Variants in BANK1 observed in about 807,000 individuals in gnomAD.
BANK1 encodes B cell scaffold protein with ankyrin repeats 1.
BANK1 carries 95 observed loss-of-function variants against 94.5 expected under a neutral mutation model. The observed-to-expected ratio is 1.00, with a 90% CI of 0.85 to 1.19. BANK1 has a LOEUF of 1.19. BANK1 is among the 50% of genes most tolerant of loss of function. BANK1 has a pLI of 0.00. For synonymous variants in BANK1, 334 were observed against 308.4 expected (o/e 1.08, Z -0.87); for missense variants, 987 against 932.2 (o/e 1.06, Z -0.77).
intron 7 of BANK1, among the ~76,000 whole-genome samples, chr4:102,019,529 G>A (rs1726819040): frequency 6.6e-6 from 1 of 152,092 alleles, no homozygotes; most frequent in Non-Finnish European, 1.5e-5. Flanking sequence ...TAAGTGTCTG[G>A]CCTAATGTCA....
In BANK1 at chr4:101,866,689, C is replaced by A. The variant is rs1728082275; in HGVS notation, c.764-3816C>A. Among the ~76,000 whole-genome samples, 4 of 49,712 alleles carry A rather than the reference C, an allele frequency of 8.0e-5. 2 individuals are homozygous for A. The highest frequency in any genetic ancestry group is 1.6e-4 in the Non-Finnish European group (4 of 25,272). 32.6% of individuals were successfully genotyped at this position (49,712 alleles called of 152,430 possible). A position where few individuals can be genotyped will look rare whatever the true frequency, so the allele number is the denominator to read the frequency against. ...GGTATATACCCAAAGGACTATAAATCATGCTGCTATAAAGACACATGCACA... is the reference window on the plus strand; with the variant it reads ...GGTATATACCCAAAGGACTATAAATAATGCTGCTATAAAGACACATGCACA... On this transcript the variant is annotated intron_variant, in intron 4 of 16. Transcript: ENST00000322953.
At chr4:101,889,213 C>T (rs1358677677) in intron 5 of BANK1, among the ~76,000 whole-genome samples, 1 of 152,084 alleles carries the variant, frequency 6.6e-6, no homozygotes, top group Non-Finnish European at 1.5e-5. Flanking sequence ...TGTTCATATA[C>T]TCCCTTTTAT....
At chr4:101,871,434 G>A (rs1728283099) in intron 5 of BANK1, among the ~76,000 whole-genome samples, 1 of 151,948 alleles carries the variant, frequency 6.6e-6, no homozygotes, top group South Asian at 2.1e-4. Context: ...AACTGTCAAT[G>A]ATAATGTAGC....
intron 2 of BANK1, among the ~76,000 whole-genome samples, chr4:101,845,686 A>G (rs1324392154): frequency 6.6e-6 from 1 of 152,252 alleles, no homozygotes; most frequent in Non-Finnish European, 1.5e-5. Context: ...GAGATATTTC[A>G]GTGAGAAACA....
intron 4 of BANK1, among the ~76,000 whole-genome samples, chr4:101,866,605 A>G (rs943092225): frequency 6.6e-6 from 1 of 152,094 alleles, no homozygotes; most frequent in Admixed American, 6.5e-5. Flanking sequence ...GAAAACGAAT[A>G]CCTTACCTGT....
chr4:101,801,549 C>A (rs1046555328), intron 1 of BANK1, among the ~76,000 whole-genome samples: 24 of 152,166 alleles, frequency 1.6e-4, no homozygotes, highest in African/African-American at 4.3e-4. Flanking sequence ...TTCACAGTTC[C>A]TCCAGCAGTT....
chr4:102,059,715 T>C (rs1728349080), intron 11 of BANK1, among the ~76,000 whole-genome samples: 1 of 152,174 alleles, frequency 6.6e-6, no homozygotes, highest in Admixed American at 6.6e-5. Flanking sequence ...TTTAAAATCT[T>C]TCAGAAATAA....
chr4:102,060,181 C>A (rs757691835), intron 11 of BANK1, 30 bp from the exon 12 acceptor site: 1 of 1,523,138 alleles, frequency 6.6e-7, no homozygotes, highest in Non-Finnish European at 8.7e-7. Flanking sequence ...CCTGGACTTT[C>A]TGTTAATGCA....
At chr4:101,948,904 A>G (rs1724035586) in intron 7 of BANK1, among the ~76,000 whole-genome samples, 1 of 152,194 alleles carries the variant, frequency 6.6e-6, no homozygotes, top group Admixed American at 6.5e-5. Context: ...TAAAATTTTG[A>G]TATTTTGTTA....
intron 7 of BANK1, among the ~76,000 whole-genome samples, chr4:102,007,109 A>AT (rs1726306315): frequency 5.2e-5 from 3 of 57,328 alleles, no homozygotes; most frequent in Non-Finnish European, 1.2e-4. Context: ...TTATATATAT[A>AT]TAAATATATA....
chr4:101,950,483 A>G (rs1560648866), intron 7 of BANK1, among the ~76,000 whole-genome samples: 2 of 152,154 alleles, frequency 1.3e-5, no homozygotes, highest in Admixed American at 1.3e-4. Context: ...CATTTGGAAC[A>G]TCACTCCCAG....
chr4:101,948,223 T>G (rs888407622), intron 7 of BANK1, among the ~76,000 whole-genome samples: 2 of 152,094 alleles, frequency 1.3e-5, no homozygotes, highest in African/African-American at 4.8e-5. Context: ...TTTTAAATTG[T>G]AGTAATTGTG....
intron 2 of BANK1, among the ~76,000 whole-genome samples, chr4:101,851,391 A>G (rs1727470188): frequency 6.6e-6 from 1 of 152,224 alleles, no homozygotes; most frequent in South Asian, 2.1e-4. Context: ...TTTGATTATT[A>G]AACCAGGCAA....
chr4:102,045,610 C>A (rs891177141), intron 11 of BANK1, among the ~76,000 whole-genome samples: 1 of 152,092 alleles, frequency 6.6e-6, no homozygotes, highest in African/African-American at 2.4e-5. Context: ...GATACAAAAT[C>A]AATGTACAAA....
chr4:101,954,471 C>T (rs1217256295), intron 7 of BANK1, among the ~76,000 whole-genome samples: 2 of 152,180 alleles, frequency 1.3e-5, no homozygotes, highest in East Asian at 3.9e-4. Context: ...GCCAGGTAAA[C>T]ATTAGTAGGC....
intron 7 of BANK1, among the ~76,000 whole-genome samples, chr4:101,930,563 AT>A (rs1723304890): frequency 6.6e-6 from 1 of 151,560 alleles, no homozygotes; most frequent in Non-Finnish European, 1.5e-5. Flanking sequence ...CTGGAAAAAA[AT>A]AACATGTTAG....
chr4:101,948,867 A>C (rs1256931345), intron 7 of BANK1, among the ~76,000 whole-genome samples: 1 of 152,118 alleles, frequency 6.6e-6, no homozygotes, highest in Non-Finnish European at 1.5e-5. Context: ...CAGGAGGAAA[A>C]ATAGTAATAT....
At position 101,852,471 on chromosome 4, in the gene BANK1, T is replaced by TATATATA. The variant is rs1491465195; in HGVS notation, c.470-2563_470-2557dup. 6.0e-4 allele frequency among the ~76,000 whole-genome samples: 15 copies of TATATATA among 25,102 alleles called. No individual in the cohort carries two copies. In the East Asian group the frequency reaches 0.012, roughly 20 times the overall value. 16.5% of individuals were successfully genotyped at this position (25,102 alleles called of 152,430 possible). On this transcript the variant is annotated intron_variant, in intron 2 of 16. Coordinates refer to ENST00000322953, the MANE Select transcript of BANK1 (RefSeq NM_017935.5). The stretch of plus-strand genomic sequence containing the variant: ...AAAGAACCACTCAATATTTTTCGGC[T>TATATATA]ATATATATATATATATATATATATA...
At chr4:101,797,699 A>T (rs928139902) in intron 1 of BANK1, among the ~76,000 whole-genome samples, 2 of 152,156 alleles carry the variant, frequency 1.3e-5, no homozygotes, top group Admixed American at 6.5e-5. Context: ...ATTGGAAAGG[A>T]GTGAAGGAAC....
Sources: allele counts gnomAD v4.1 joint callset (sites outside exome capture counted in the v4.1 genomes callset), GRCh38; gene constraint gnomAD v4.1.1; transcripts MANE v1.5; gene names NCBI Gene and HGNC (gene_info 2026-07-23, HGNC 2026-07-21).